TOX: variants seen among roughly 807,000 people sequenced by gnomAD.
TOX encodes thymocyte selection-associated high mobility group box protein TOX.
Under a neutral mutation model 53.7 loss-of-function variants are expected in TOX, and 11 were observed. That is an observed-to-expected ratio of 0.20 (90% CI 0.13 to 0.34). The LOEUF (loss-of-function observed/expected upper bound fraction) is 0.34. Ranked by LOEUF, TOX falls within the 10% of genes least tolerant of loss-of-function variation. TOX has a pLI of 1.00. For missense variants in TOX, 570 were observed against 664.6 expected, an observed-to-expected ratio of 0.86 and a Z score of 1.56; for synonymous variants, 225 against 245.3, an observed-to-expected ratio of 0.92 and a Z score of 0.77.
At chr8:58,904,715 G>T (rs954697813) in intron 3 of TOX, among the ~76,000 whole-genome samples, 1 of 152,130 alleles carries the variant, frequency 6.6e-6, no homozygotes, top group African/African-American at 2.4e-5. Context: ...GGAATTAGTT[G>T]GTAATGAATT....
chr8:58,937,441 T>A (rs570688491), intron 3 of TOX, among the ~76,000 whole-genome samples: 1 of 152,174 alleles, frequency 6.6e-6, no homozygotes, highest in South Asian at 2.1e-4. Flanking sequence ...GGAATGGACA[T>A]GAAAATGGCC....
chr8:58,815,102 A>T (rs1810151246), intron 7 of TOX, among the ~76,000 whole-genome samples: 1 of 152,254 alleles, frequency 6.6e-6, no homozygotes, highest in Admixed American at 6.5e-5. Flanking sequence ...ACCAGTGATT[A>T]TGAAAAGAAG....
intron 3 of TOX, among the ~76,000 whole-genome samples, chr8:58,933,647 C>T (rs1812296691): frequency 6.6e-6 from 1 of 151,978 alleles, no homozygotes; most frequent in African/African-American, 2.4e-5. Context: ...AAATGACAAA[C>T]CCGGTGAGTC....
At chr8:58,929,369 T>C (rs1346372668) in intron 3 of TOX, among the ~76,000 whole-genome samples, 2 of 152,094 alleles carry the variant, frequency 1.3e-5, no homozygotes, top group Admixed American at 6.5e-5. Context: ...CTACACAGTG[T>C]GTATTGCTGC....
intron 6 of TOX, among the ~76,000 whole-genome samples, chr8:58,825,358 A>T (rs1810348036): frequency 6.6e-6 from 1 of 152,218 alleles, no homozygotes; most frequent in Non-Finnish European, 1.5e-5. Flanking sequence ...GGTTTTTTAA[A>T]TGTAGAAATG....
intron 1 of TOX, among the ~76,000 whole-genome samples, chr8:58,984,280 A>G (rs533740974): frequency 1.3e-5 from 2 of 152,362 alleles, no homozygotes; most frequent in South Asian, 2.1e-4. Flanking sequence ...TAAAGGGTTA[A>G]TATTCAGGAT....
chr8:58,889,229 A>AAAAAAAAAC (rs1554527519), intron 3 of TOX, among the ~76,000 whole-genome samples: 4 of 142,072 alleles, frequency 2.8e-5, no homozygotes, highest in Non-Finnish European at 3.0e-5. Context: ...AAAAAAAAAA[A>AAAAAAAAAC]AAACAAAAAA....
At chr8:59,044,425 T>C (rs1215507288) in intron 1 of TOX, among the ~76,000 whole-genome samples, 3 of 152,288 alleles carry the variant, frequency 2.0e-5, no homozygotes, top group Admixed American at 2.0e-4. Context: ...TTCCCACCTG[T>C]CCCTTGCTGA....
At chr8:58,835,364 G>A (rs1256404592) in intron 5 of TOX, among the ~76,000 whole-genome samples, 2 of 152,152 alleles carry the variant, frequency 1.3e-5, no homozygotes, top group African/African-American at 4.8e-5. Context: ...ACATTAGGGA[G>A]ACCAGCCTCG....
intron 1 of TOX, among the ~76,000 whole-genome samples, chr8:59,006,789 T>C (rs1045671827): frequency 6.6e-6 from 1 of 152,194 alleles, no homozygotes; most frequent in African/African-American, 2.4e-5. Context: ...AACCAACATT[T>C]AGAAAATAAA....
chr8:58,914,879 G>C (rs926472295), intron 3 of TOX, among the ~76,000 whole-genome samples: 1 of 152,044 alleles, frequency 6.6e-6, no homozygotes, highest in African/African-American at 2.4e-5. Context: ...GCGAGGCATT[G>C]CCTCACCTGG....
intron 1 of TOX, among the ~76,000 whole-genome samples, chr8:59,052,168 A>G (rs1029703502): frequency 1.3e-5 from 2 of 152,204 alleles, no homozygotes; most frequent in Non-Finnish European, 2.9e-5. Context: ...AGGATGCTAT[A>G]TTTTAAATAT....
intron 3 of TOX, among the ~76,000 whole-genome samples, chr8:58,922,247 A>C (rs1231994192): frequency 6.6e-6 from 1 of 152,236 alleles, no homozygotes; most frequent in Non-Finnish European, 1.5e-5. Flanking sequence ...TGAATTTTAC[A>C]GCTCCAGGAT....
intron 1 of TOX, among the ~76,000 whole-genome samples, chr8:59,015,082 T>A (rs1398446407): frequency 6.6e-6 from 1 of 152,202 alleles, no homozygotes; most frequent in Non-Finnish European, 1.5e-5. Flanking sequence ...TGGGTTTAAT[T>A]AGAAGGAAAT....
chr8:59,086,481 CA>C (rs773831333), intron 1 of TOX, among the ~76,000 whole-genome samples: 18 of 152,144 alleles, frequency 1.2e-4, no homozygotes, highest in Non-Finnish European at 2.2e-4. Flanking sequence ...CTCCCATCAT[CA>C]GTATATAAAG....
intron 2 of TOX, among the ~76,000 whole-genome samples, chr8:58,953,815 A>G (rs776753015): frequency 1.3e-5 from 2 of 152,224 alleles, no homozygotes; most frequent in African/African-American, 2.4e-5. Context: ...GTTCAAATTT[A>G]TGTCACAATC....
At chr8:58,845,166 C>T (rs767168304) in intron 4 of TOX, among the ~76,000 whole-genome samples, 9 of 152,060 alleles carry the variant, frequency 5.9e-5, no homozygotes, top group East Asian at 1.9e-4. Flanking sequence ...AATAAACTGC[C>T]GCGGTCCCAA....
chr8:59,010,825 T>A (rs1813891088), intron 1 of TOX, among the ~76,000 whole-genome samples: 1 of 152,200 alleles, frequency 6.6e-6, no homozygotes, highest in African/African-American at 2.4e-5. Context: ...GGAGTTAATT[T>A]AAAAGAGCAG....
intron 2 of TOX, among the ~76,000 whole-genome samples, chr8:58,943,317 G>C (rs1812472709): frequency 1.3e-5 from 2 of 152,198 alleles, no homozygotes; most frequent in Admixed American, 1.3e-4. Flanking sequence ...CTGGCCAGAA[G>C]AGAAGCCCTG....
Sources: gnomAD v4.1 joint callset for allele counts (sites outside exome capture counted in the v4.1 genomes callset) on GRCh38, gnomAD v4.1.1 for gene constraint, MANE v1.5 for transcripts, NCBI Gene and HGNC (gene_info 2026-07-23, HGNC 2026-07-21) for gene names.